NT5C2: variants seen among roughly 807,000 people sequenced by gnomAD.
The protein encoded by NT5C2 is cytosolic purine 5'-nucleotidase.
Under a neutral mutation model 76.1 loss-of-function variants are expected in NT5C2, and 58 were observed. The observed-to-expected ratio is 0.76, with a 90% CI of 0.62 to 0.95. NT5C2 has a LOEUF of 0.95. NT5C2 is among the 40% of genes least tolerant of loss of function. The pLI is 0.00. For synonymous variants in NT5C2, 229 were observed against 237.4 expected (o/e 0.96, Z 0.32); for missense variants, 478 against 690.3 (o/e 0.69, Z 3.45).
At chr10:103,116,656 AACT>A (rs1251321994) in intron 4 of NT5C2, among the ~76,000 whole-genome samples, 1 of 149,288 alleles carries the variant, frequency 6.7e-6, no homozygotes, top group East Asian at 1.9e-4. Context: ...TGTATCCTCA[AACT>A]ACTAGGCTCA....
chr10:103,175,365 A>G (rs2089572992), intron 2 of NT5C2, among the ~76,000 whole-genome samples: 1 of 152,168 alleles, frequency 6.6e-6, no homozygotes, highest in Non-Finnish European at 1.5e-5. Flanking sequence ...TTAAATTCTA[A>G]TCAACAGATT....
At chr10:103,140,958 T>C (rs1375674681) in intron 3 of NT5C2, among the ~76,000 whole-genome samples, 1 of 152,216 alleles carries the variant, frequency 6.6e-6, no homozygotes, top group African/African-American at 2.4e-5. Flanking sequence ...AAACAGTTTC[T>C]CCCAATCCAT....
chr10:103,175,695 TG>T, intron 2 of NT5C2: 1 of 239,298 alleles, frequency 4.2e-6, no homozygotes. Flanking sequence ...GAAGGAGTGT[TG>T]CCTCTGTGAA....
chr10:103,108,137 A>G (rs1187484011), intron 4 of NT5C2, among the ~76,000 whole-genome samples: 1 of 152,204 alleles, frequency 6.6e-6, no homozygotes, highest in African/African-American at 2.4e-5. Flanking sequence ...CCTTGGCGAC[A>G]GAGTGAGACT....
chr10:103,190,210 A>T (rs1470285219), intron 1 of NT5C2, among the ~76,000 whole-genome samples: 3 of 152,118 alleles, frequency 2.0e-5, no homozygotes, highest in Admixed American at 2.0e-4. Flanking sequence ...CATGTTGGCC[A>T]GGCTGGTCTC....
intron 3 of NT5C2, among the ~76,000 whole-genome samples, 183 bp from the exon 4 acceptor site, chr10:103,139,662 C>T (rs2080002084): frequency 6.6e-6 from 1 of 152,112 alleles, no homozygotes; most frequent in Non-Finnish European, 1.5e-5. Context: ...TCTTGATACA[C>T]ATATACACAG....
intron 1 of NT5C2, among the ~76,000 whole-genome samples, chr10:103,183,262 G>GATAC (rs1554841573): frequency 4.1e-5 from 3 of 73,374 alleles, no homozygotes; most frequent in East Asian, 7.8e-4. Context: ...GTGTGTGTGT[G>GATAC]ATATATATAT....
chr10:103,093,884 T>G (rs1470109914), intron 14 of NT5C2, 88 bp downstream of exon 14: 2 of 970,942 alleles, frequency 2.1e-6, no homozygotes, highest in African/African-American at 3.2e-5. Context: ...TACTAAACAG[T>G]ATATGTGGCA....
chr10:103,140,921 T>C (rs2080292311), intron 3 of NT5C2, among the ~76,000 whole-genome samples: 1 of 152,224 alleles, frequency 6.6e-6, no homozygotes, highest in South Asian at 2.1e-4. Context: ...TTTTAGATGT[T>C]AATCCCTTAA....
rs551727843 is a variant in NT5C2 at position 103,094,738 on chromosome 10, C to A, written c.814-283G>T. On this transcript the variant is annotated intron_variant, in intron 12 of 18. Coordinates refer to ENST00000404739, the MANE Select transcript of NT5C2 (RefSeq NM_001351169.2). ...CTCTACTAAAACTACAAAAATTAGC[C>A]GGGCGTGGTGGCGGGCGCCTGTAGT... Among the ~76,000 whole-genome samples, 4 of 152,066 alleles carry A rather than the reference C, an allele frequency of 2.6e-5. No homozygotes were observed. The South Asian group carries it at 8.3e-4, about 32-fold the overall frequency.
chr10:103,133,787 T>C (rs2078684510), intron 4 of NT5C2, among the ~76,000 whole-genome samples: 1 of 152,172 alleles, frequency 6.6e-6, no homozygotes, highest in Non-Finnish European at 1.5e-5. Flanking sequence ...TCCTAGAGAC[T>C]TGTTGAATGG....
chr10:103,187,316 C>T lies in NT5C2; in HGVS notation c.-169+5920G>A, dbSNP rs187383087. Among the ~76,000 whole-genome samples, 135 of 151,746 alleles carry T rather than the reference C, an allele frequency of 8.9e-4. 1 individual carries two copies. The highest frequency in any genetic ancestry group is 2.7e-3 in the African/African-American group (112 of 41,358). On this transcript the variant is annotated intron_variant, in intron 1 of 18. Transcript: ENST00000404739. ...ATCCCAGCACTTTGGGAGGCTGAGG[C>T]GGGTAGATTACAAGGTCAGGAGTTC...
intron 4 of NT5C2, among the ~76,000 whole-genome samples, chr10:103,120,396 A>T (rs1396017650): frequency 1.3e-5 from 2 of 152,218 alleles, no homozygotes; most frequent in Admixed American, 1.3e-4. Flanking sequence ...CTGATGAGGG[A>T]TTAATATCCA....
intron 18 of NT5C2, chr10:103,090,342 AAAGTTCTGGGG>A (rs2066429062): frequency 1.0e-5 from 4 of 384,324 alleles, no homozygotes; most frequent in South Asian, 1.2e-4. Flanking sequence ...CTCAGCCTCT[AAAGTTCTGGGG>A]TTACAGGCAT....
At chr10:103,176,589 G>A (rs1398016977) in intron 2 of NT5C2, among the ~76,000 whole-genome samples, 2 of 152,172 alleles carry the variant, frequency 1.3e-5, no homozygotes, top group South Asian at 2.1e-4. Context: ...TTTTGAAACA[G>A]GGTCGCAGTG....
intron 11 of NT5C2, 74 bp from the exon 12 acceptor site, chr10:103,096,054 C>A: frequency 9.2e-7 from 1 of 1,084,672 alleles, no homozygotes; most frequent in Non-Finnish European, 1.4e-6. Flanking sequence ...AAATTACAAG[C>A]TTTTCACAAA....
intron 3 of NT5C2, among the ~76,000 whole-genome samples, chr10:103,141,085 G>A (rs781705582): frequency 1.3e-5 from 2 of 152,106 alleles, no homozygotes; most frequent in African/African-American, 2.4e-5. Flanking sequence ...AATCACTGCC[G>A]AGACCAAGGT....
chr10:103,093,409 TA>T, intron 14 of NT5C2, 100 bp from the exon 15 acceptor site: 1 of 1,051,960 alleles, frequency 9.5e-7, no homozygotes, highest in Non-Finnish European at 1.3e-6. Context: ...TTTATTCTTA[TA>T]TGAGGAACAG....
chr10:103,100,915 T>C, intron 8 of NT5C2, 130 bp downstream of exon 8: 1 of 714,606 alleles, frequency 1.4e-6, no homozygotes, highest in South Asian at 1.5e-5. Context: ...AGGTTGGCAA[T>C]GTGGCATCTC....
Sources: allele counts gnomAD v4.1 joint callset (sites outside exome capture counted in the v4.1 genomes callset), GRCh38; gene constraint gnomAD v4.1.1; transcripts MANE v1.5; gene names NCBI Gene and HGNC (gene_info 2026-07-23, HGNC 2026-07-21).